The following ADAMTSL1 variants were observed in gnomAD, a reference collection of about 807,000 sequenced individuals.
ADAMTSL1 encodes the protein ADAMTS like 1, also known as ADAMTS-like protein 1.
In ADAMTSL1, 126 loss-of-function variants were observed where a neutral mutation model predicts 201.8. The observed-to-expected ratio is 0.62, with a 90% confidence interval of 0.54 to 0.72. The LOEUF (loss-of-function observed/expected upper bound fraction) is 0.72. ADAMTSL1 is among the 30% of genes least tolerant of loss of function. The probability of loss-of-function intolerance (pLI) is 0.00; values close to 1 mark genes in which losing one functional copy is unlikely to be tolerated. For missense variants in ADAMTSL1, 2,679 were observed against 2,277.8 expected (o/e 1.18, Z -3.59); for synonymous variants, 1,121 against 903.4 (o/e 1.24, Z -4.32).
chr9:18,705,982 A>G (rs1430311040), intron 13 of ADAMTSL1, among the ~76,000 whole-genome samples: 1 of 152,216 alleles, frequency 6.6e-6, no homozygotes, highest in Non-Finnish European at 1.5e-5. Flanking sequence ...GAAGGAATTC[A>G]AGAGCTAGCT....
chr9:18,638,038 G>T (rs1827206305), intron 6 of ADAMTSL1, among the ~76,000 whole-genome samples: 1 of 152,040 alleles, frequency 6.6e-6, no homozygotes, highest in Non-Finnish European at 1.5e-5. Context: ...GCTTTCCCCT[G>T]ATGACAACAA....
rs954987292 is a variant in ADAMTSL1 at position 18,537,280 on chromosome 9, C to T, written c.237+3988C>T. Among the ~76,000 whole-genome samples, 17 of 152,238 alleles carry T rather than the reference C, an allele frequency of 1.1e-4. 1 individual carries two copies. The highest frequency in any genetic ancestry group is 3.4e-3 in the Middle Eastern group (1 of 294). Reference sequence around the variant, plus strand: ...ATGCAGAGAATTAAGCTATTGGTAGCTAGTTCAGAGAGGAAGTTCAGAAAA... The same window carrying T: ...ATGCAGAGAATTAAGCTATTGGTAGTTAGTTCAGAGAGGAAGTTCAGAAAA... On this transcript the variant is annotated intron_variant, in intron 3 of 28. Coordinates refer to ENST00000380548, the MANE Select transcript of ADAMTSL1 (RefSeq NM_001040272.6).
At chr9:18,721,506 C>A in intron 14 of ADAMTSL1, 30 bp from the exon 15 acceptor site, 1 of 1,611,546 alleles carries the variant, frequency 6.2e-7, no homozygotes, top group Non-Finnish European at 8.5e-7. Flanking sequence ...CCACTTTGCA[C>A]TCTGGCCTGA....
intron 26 of ADAMTSL1, among the ~76,000 whole-genome samples, chr9:18,899,609 C>T (rs894183559): frequency 4.0e-5 from 6 of 151,896 alleles, no homozygotes; most frequent in South Asian, 2.1e-4. Flanking sequence ...CCAATGAAAC[C>T]GAATAGAGAA....
At chr9:18,055,901 C>T (rs1260605719) in intron 1 of ADAMTSL1, among the ~76,000 whole-genome samples, 1 of 152,226 alleles carries the variant, frequency 6.6e-6, no homozygotes, top group Admixed American at 6.5e-5. Flanking sequence ...CAGCTATTAA[C>T]TATGCTTTCA....
In ADAMTSL1 at chr9:18,135,394, A is replaced by G. The variant is rs1395454577; in HGVS notation, c.88-28468A>G. ...TAAGTCCAGAGGCTCAAAATGTAAA[A>G]TGCTTAAAAAAATATATTTTCTGTG... On this transcript the variant is annotated intron_variant, in intron 1 of 29. Transcript: ENST00000680146. 2.0e-5 allele frequency among the ~76,000 whole-genome samples: 3 copies of G among 152,170 alleles called. No homozygotes were observed. The East Asian group carries it at 5.8e-4, about 29-fold the overall frequency.
chr9:17,952,934 C>G (rs901622174), intron 1 of ADAMTSL1, among the ~76,000 whole-genome samples: 2 of 150,616 alleles, frequency 1.3e-5, no homozygotes, highest in African/African-American at 2.4e-5. Context: ...CCTCCTCCTC[C>G]TCCTCCTCCT....
intron 1 of ADAMTSL1, among the ~76,000 whole-genome samples, chr9:18,061,973 T>G (rs945385120): frequency 6.6e-6 from 1 of 152,172 alleles, no homozygotes; most frequent in Non-Finnish European, 1.5e-5. Flanking sequence ...TGTCATTTAC[T>G]TGGAGACAGG....
chr9:18,766,105 T>G (rs7866431), intron 16 of ADAMTSL1, among the ~76,000 whole-genome samples: 151,029 of 152,296 alleles, frequency 0.99, 74,892 homozygotes, highest in East Asian at 1. Flanking sequence ...TGTCGTAAAA[T>G]ATAAGATTAC....
intron 1 of ADAMTSL1, among the ~76,000 whole-genome samples, chr9:18,103,330 A>G (rs975923743): frequency 2.6e-5 from 4 of 152,178 alleles, no homozygotes; most frequent in African/African-American, 7.2e-5. Context: ...TAAGTTTATT[A>G]CATGCTACAT....
intron 2 of ADAMTSL1, among the ~76,000 whole-genome samples, chr9:18,462,379 C>T (rs1216073522): frequency 6.6e-6 from 1 of 152,170 alleles, no homozygotes; most frequent in Non-Finnish European, 1.5e-5. Context: ...ATGCTACATA[C>T]TGGGGTACAG....
intron 3 of ADAMTSL1, among the ~76,000 whole-genome samples, chr9:18,563,483 C>G (rs1267625143): frequency 1.3e-5 from 2 of 152,328 alleles, no homozygotes; most frequent in Non-Finnish European, 2.9e-5. Flanking sequence ...TCAGGAGGCA[C>G]AGGGGTTAGG....
intron 26 of ADAMTSL1, among the ~76,000 whole-genome samples, chr9:18,904,158 CTG>C (rs1193150285): frequency 6.6e-6 from 1 of 152,066 alleles, no homozygotes; most frequent in African/African-American, 2.4e-5. Context: ...TGTATGCACA[CTG>C]TACTGCACAA....
At chr9:18,708,206 G>C (rs190469002) in intron 14 of ADAMTSL1, among the ~76,000 whole-genome samples, 78 of 152,346 alleles carry the variant, frequency 5.1e-4, no homozygotes, top group African/African-American at 1.8e-3. Context: ...GAGAACGTAA[G>C]AATAAATGCA....
intron 2 of ADAMTSL1, among the ~76,000 whole-genome samples, chr9:18,316,978 A>C (rs1199316577): frequency 2.0e-5 from 3 of 152,182 alleles, no homozygotes; most frequent in Non-Finnish European, 4.4e-5. Flanking sequence ...GAAATGACCT[A>C]AGTGTCCATG....
intron 1 of ADAMTSL1, among the ~76,000 whole-genome samples, chr9:18,067,450 T>C (rs1563980077): frequency 6.6e-6 from 1 of 151,896 alleles, no homozygotes; most frequent in Non-Finnish European, 1.5e-5. Context: ...ATGAGAAATA[T>C]GAAAGCATAA....
At chr9:18,776,690 T>G in intron 18 of ADAMTSL1, 91 bp from the exon 19 acceptor site, 3 of 1,363,420 alleles carry the variant, frequency 2.2e-6, no homozygotes, top group African/African-American at 1.5e-5. Flanking sequence ...TCTGGCTCTT[T>G]CCTTTGCCCC....
intron 19 of ADAMTSL1, 50 bp from the exon 20 acceptor site, chr9:18,795,347 A>G: frequency 6.2e-7 from 1 of 1,608,082 alleles, no homozygotes; most frequent in East Asian, 2.2e-5. Context: ...GAATGCCAAA[A>G]AGGAGTCAAC....
At chr9:18,090,911 C>T (rs1332107592) in intron 1 of ADAMTSL1, among the ~76,000 whole-genome samples, 1 of 151,972 alleles carries the variant, frequency 6.6e-6, no homozygotes, top group Non-Finnish European at 1.5e-5. Context: ...ACCACATGAC[C>T]CTTCTTATTC....
Sources: allele counts gnomAD v4.1 joint callset (sites outside exome capture counted in the v4.1 genomes callset), GRCh38; gene constraint gnomAD v4.1.1; transcripts MANE v1.5; gene names NCBI Gene and HGNC (gene_info 2026-07-23, HGNC 2026-07-21).